The following CPA4 variants were observed in gnomAD, a reference collection of about 807,000 sequenced individuals.
The protein encoded by CPA4 is carboxypeptidase A3.
CPA4 carries 49 observed loss-of-function variants against 54.7 expected under a neutral mutation model. The ratio of observed to expected loss-of-function variants is 0.90; its 90% CI spans 0.71 to 1.14. The LOEUF is 1.14. Ranked by LOEUF, CPA4 falls within the 50% of genes most tolerant of loss-of-function variation. The probability of loss-of-function intolerance (pLI) is 0.00; values close to 1 mark genes in which losing one functional copy is unlikely to be tolerated. For missense variants in CPA4, 487 were observed against 525.1 expected (o/e 0.93, Z 0.71); for synonymous variants, 215 against 206.8 (o/e 1.04, Z -0.34).
Position 130,293,199 on chromosome 7 carries a change from A to G in CPA4, c.19A>G (p.Ile7Val), listed in dbSNP as rs192307761. ...CGGGGACATGAGGTGGATACTGTTC[A>G]TTGGGGCCCTTATTGGGTCCAGCAT... MRWILF[I>V]GALIGSSICG... Residue 7 changes from isoleucine (I) to valine (V), a missense_variant, in exon 1 of 11, where the codon ATT becomes GTT. Transcript: ENST00000222482. 84 of 1,612,182 alleles carry G rather than the reference A, an allele frequency of 5.2e-5. 1 individual carries two copies. In the East Asian group the frequency reaches 1.0e-3, roughly 20 times the overall value.
At chr7:130,297,931 G>A (rs1023722618) in intron 1 of CPA4, among the ~76,000 whole-genome samples, 7 of 152,146 alleles carry the variant, frequency 4.6e-5, no homozygotes, top group African/African-American at 1.4e-4. Context: ...TACCCCTGCC[G>A]CCGCTGCAGA....
chr7:130,295,956 G>A (rs754739114), intron 1 of CPA4, among the ~76,000 whole-genome samples: 6 of 152,166 alleles, frequency 3.9e-5, no homozygotes, highest in Non-Finnish European at 8.8e-5. Flanking sequence ...TCCAGCCTGG[G>A]CAAGGCAACA....
chr7:130,322,483 T>G lies in CPA4; in HGVS notation c.1079-6T>G. Reference sequence around the variant, plus strand: ...CTTCAAGAGTGTTTTGTCCTCCGACTTACAGATCCAGCTAGCGGGAGCAGC... The same window carrying G: ...CTTCAAGAGTGTTTTGTCCTCCGACGTACAGATCCAGCTAGCGGGAGCAGC... On this transcript the variant is annotated splice_region_variant and splice_polypyrimidine_tract_variant and intron_variant, in intron 10 of 10. Transcript: ENST00000222482. 1 of 1,611,760 alleles carries G rather than the reference T, an allele frequency of 6.2e-7. No homozygotes were observed. Among genetic ancestry groups the G allele is most frequent in the East Asian group, 2.2e-5 (1 of 44,868 alleles).
At chr7:130,302,625 T>C (rs1489379013) in intron 4 of CPA4, among the ~76,000 whole-genome samples, 1 of 152,108 alleles carries the variant, frequency 6.6e-6, no homozygotes, top group Non-Finnish European at 1.5e-5. Context: ...GTGGTAGTGG[T>C]GGGCAGTGTG....
chr7:130,309,853 C>T (rs1435153075), intron 8 of CPA4, among the ~76,000 whole-genome samples: 3 of 152,196 alleles, frequency 2.0e-5, no homozygotes, highest in East Asian at 1.9e-4. Context: ...GCAGCCTCGA[C>T]ATCCTGGATT....
chr7:130,310,765 G>C lies in CPA4; in HGVS notation c.794-22G>C. The C allele has an allele frequency of 6.2e-7, 1 of 1,609,432 alleles. No homozygotes were observed. Among genetic ancestry groups the C allele is most frequent in the African/African-American group, 1.3e-5 (1 of 74,936 alleles). On this transcript the variant is annotated intron_variant, in intron 8 of 10. Coordinates refer to ENST00000222482, the MANE Select transcript of CPA4 (RefSeq NM_016352.4). The surrounding 1 kb of genome is among the most constrained non-coding windows in gnomAD (Gnocchi z 4.3). ...GTTCTTGGACTATGAGTTAATGTTT[G>C]TTCTTGGGCTATCCCCAACAGGAAA... is the stretch of plus-strand genomic sequence containing the variant.
At chr7:130,300,394 G>C (rs1354220931) in intron 3 of CPA4, among the ~76,000 whole-genome samples, 1 of 144,654 alleles carries the variant, frequency 6.9e-6, no homozygotes, top group African/African-American at 2.6e-5. Flanking sequence ...AGAGTATAAT[G>C]GTGCAATCTC....
chr7:130,303,509 GTGTGTGTGTC>G lies in CPA4; in HGVS notation c.385-959_385-950del, dbSNP rs570504052. ...ATGTACACAATATATTTGTATCATT[GTGTGTGTGTC>G]TGTGTGTGTGTACATGTATATGGTG... On this transcript the variant is annotated intron_variant, in intron 4 of 10. Coordinates refer to ENST00000222482, the MANE Select transcript of CPA4 (RefSeq NM_016352.4). 2.3e-3 allele frequency among the ~76,000 whole-genome samples: 345 copies of G among 152,208 alleles called. 1 individual carries two copies. The highest frequency in any genetic ancestry group is 4.8e-3 in the Admixed American group (73 of 15,286).
chr7:130,322,602 A>G lies in CPA4; in HGVS notation c.1192A>G (p.Ile398Val). 6.2e-7 allele frequency: 1 copy of G among 1,614,172 alleles called. No homozygotes were observed. Among genetic ancestry groups the G allele is most frequent in the East Asian group, 2.2e-5 (1 of 44,890 alleles). ...TGGCTTCCTCCTGCCAGCTAACCAGATCATCCCCACTGCAGAGGAGACGTG... is the reference window on the plus strand; with the variant it reads ...TGGCTTCCTCCTGCCAGCTAACCAGGTCATCCCCACTGCAGAGGAGACGTG... Reference protein sequence around the residue: ...TYGFLLPANQIIPTAEETWLG... With the variant: ...TYGFLLPANQVIPTAEETWLG... The change falls in exon 11 of 11, where the codon ATC becomes GTC. Residue 398 changes from isoleucine to valine, a missense_variant. Physicochemically the swap from Ile to Val is conservative, Grantham distance 29 (BLOSUM62 3). Transcript: ENST00000222482.
At chr7:130,313,100 T>C (rs1336519983) in intron 10 of CPA4, among the ~76,000 whole-genome samples, 1 of 152,190 alleles carries the variant, frequency 6.6e-6, no homozygotes, top group Admixed American at 6.5e-5. Flanking sequence ...GGCAGCATGT[T>C]CTTTTTGGCT....
In CPA4 at chr7:130,310,657, A is replaced by T; in HGVS notation, c.794-130A>T. The T allele has an allele frequency of 1.3e-6, 1 of 744,060 alleles. No homozygotes were observed. The highest frequency in any genetic ancestry group is 2.3e-6 in the Non-Finnish European group (1 of 439,304). The allele number at this position is 744,060 out of a possible 1,614,324, so 46.1% of individuals were successfully genotyped here. A position where few individuals can be genotyped will look rare whatever the true frequency, so the allele number is the denominator to read the frequency against. On this transcript the variant is annotated intron_variant, in intron 8 of 10. Transcript: ENST00000222482. This position sits in a 1 kb window ranked among gnomAD's most constrained non-coding sequence, Gnocchi z 4.3. Reference sequence around the variant, plus strand: ...CTGCAGTCCACACCCACCATGGACTAGGTGCTCTGGGCCGTCTCGCCATGG... The same window carrying T: ...CTGCAGTCCACACCCACCATGGACTTGGTGCTCTGGGCCGTCTCGCCATGG...
At chr7:130,302,484 G>C (rs1313023346) in intron 4 of CPA4, among the ~76,000 whole-genome samples, 1 of 137,244 alleles carries the variant, frequency 7.3e-6, no homozygotes, top group Admixed American at 7.5e-5. Context: ...GCGAGACTCT[G>C]TCTCAAAAAA....
At chr7:130,299,723 T>C in intron 3 of CPA4, 1 of 273,944 alleles carries the variant, frequency 3.7e-6, no homozygotes, top group Non-Finnish European at 7.1e-6. Context: ...ATGGTGATAG[T>C]GAGACCTTCG....
intron 4 of CPA4, among the ~76,000 whole-genome samples, 194 bp from the exon 5 acceptor site, chr7:130,304,284 T>A (rs1164447404): frequency 6.6e-6 from 1 of 152,216 alleles, no homozygotes; most frequent in African/African-American, 2.4e-5. Flanking sequence ...ACAAGTGTGC[T>A]ACTCTCCAGA....
rs1794037709 is a variant in CPA4 at position 130,318,935 on chromosome 7, AC to A, written c.1079-3553del. Among the ~76,000 whole-genome samples the A allele has an allele frequency of 2.0e-5, 3 of 152,050 alleles. No individual in the cohort carries two copies. The South Asian group carries it at 6.2e-4, about 32-fold the overall frequency. On this transcript the variant is annotated intron_variant, in intron 10 of 10. Transcript: ENST00000222482. ...AAAATAATTCTAAAATGGATTTTAC[AC>A]TCTTCTGCCTTCTAAAACAGAGCAT...
intron 6 of CPA4, chr7:130,306,315 G>A (rs1031689858): frequency 4.7e-5 from 12 of 254,356 alleles, no homozygotes; most frequent in Non-Finnish European, 7.6e-5. Flanking sequence ...CCCAGGAGGC[G>A]GAGGTTGCGT....
chr7:130,310,671 G>C lies in CPA4; in HGVS notation c.794-116G>C. ...CACCATGGACTAGGTGCTCTGGGCCGTCTCGCCATGGCCTGCCCATTCCCA... is the reference window on the plus strand; with the variant it reads ...CACCATGGACTAGGTGCTCTGGGCCCTCTCGCCATGGCCTGCCCATTCCCA... On this transcript the variant is annotated intron_variant, in intron 8 of 10. Coordinates refer to ENST00000222482, the MANE Select transcript of CPA4 (RefSeq NM_016352.4). The surrounding 1 kb of genome is among the most constrained non-coding windows in gnomAD (Gnocchi z 4.3). 1.1e-6 allele frequency: 1 copy of C among 886,700 alleles called. No homozygotes were observed. The highest frequency in any genetic ancestry group is 2.6e-5 in the East Asian group (1 of 38,322). The allele number at this position is 886,700 out of a possible 1,614,324, so 54.9% of individuals were successfully genotyped here.
intron 8 of CPA4, among the ~76,000 whole-genome samples, chr7:130,308,850 C>CTTTTTTTTTTTTTTTTTTTTTTT (rs1249548992): frequency 6.6e-4 from 79 of 120,248 alleles, no homozygotes; most frequent in Non-Finnish European, 1.1e-3. Context: ...CTAGCCCAGC[C>CTTTTTTTTTTTTTTTTTTTTTTT]TTTTTTTTTT....
chr7:130,296,500 C>T (rs530946692), intron 1 of CPA4, among the ~76,000 whole-genome samples: 4 of 152,088 alleles, frequency 2.6e-5, no homozygotes, highest in African/African-American at 9.7e-5. Context: ...TGGGTGAATG[C>T]GTAACATGAT....
Sources: allele counts gnomAD v4.1 joint callset (sites outside exome capture counted in the v4.1 genomes callset), GRCh38; gene constraint gnomAD v4.1.1; non-coding constraint Gnocchi (gnomAD v3.1); transcripts MANE v1.5; gene names NCBI Gene and HGNC (gene_info 2026-07-23, HGNC 2026-07-21).